METTL16: variants seen among roughly 807,000 people sequenced by gnomAD.
METTL16 encodes the protein RNA N(6)-adenosine-methyltransferase METTL16.
In METTL16, 19 loss-of-function variants were observed where a neutral mutation model predicts 57.9. The observed-to-expected ratio is 0.33, with a 90% CI of 0.23 to 0.48. The LOEUF (loss-of-function observed/expected upper bound fraction) is 0.48, where lower values mean the gene tolerates loss of function less well. Among genes scored for constraint, METTL16 ranks in the 20% least tolerant of loss-of-function variants. The pLI, the probability that METTL16 is intolerant of heterozygous loss-of-function variation, is 0.99. For synonymous variants in METTL16, 246 were observed against 255.6 expected, an observed-to-expected ratio of 0.96 and a Z score of 0.36; for missense variants, 434 against 691.5, an observed-to-expected ratio of 0.63 and a Z score of 4.18.
chr17:2,498,664 A>G (rs1031583023), intron 2 of METTL16, among the ~76,000 whole-genome samples: 1 of 151,232 alleles, frequency 6.6e-6, no homozygotes, highest in African/African-American at 2.5e-5. Context: ...GTTTGAACCC[A>G]GGAGGCGGAG....
At chr17:2,456,127 A>G (rs1296617546) in intron 6 of METTL16, among the ~76,000 whole-genome samples, 1 of 152,124 alleles carries the variant, frequency 6.6e-6, no homozygotes, top group Non-Finnish European at 1.5e-5. Context: ...ACAACTGGGA[A>G]ATGTTCCTTC....
chr17:2,471,328 C>T (rs747258492), intron 4 of METTL16, among the ~76,000 whole-genome samples: 14 of 152,114 alleles, frequency 9.2e-5, no homozygotes, highest in African/African-American at 1.9e-4. Flanking sequence ...TGCGCCACCA[C>T]GCTGGCTAAT....
At chr17:2,429,599 C>T (rs756007733) in intron 8 of METTL16, among the ~76,000 whole-genome samples, 2 of 151,424 alleles carry the variant, frequency 1.3e-5, no homozygotes, top group African/African-American at 2.4e-5. Context: ...AATGAAGGGA[C>T]GAATAGAATT....
At position 2,417,968 on chromosome 17, in the gene METTL16, T is replaced by G. The variant is rs964215095; in HGVS notation, c.*2002A>C. ...CAAATGACTCAAATGTAATATTCAC[T>G]CGAGGTAAGGACAGTGGGGTGGTGT... is the stretch of plus-strand genomic sequence containing the variant. On this transcript the variant is annotated 3_prime_UTR_variant, in exon 10 of 10. Coordinates refer to ENST00000263092, the MANE Select transcript of METTL16 (RefSeq NM_024086.4). 1.3e-5 allele frequency: 2 copies of G among 152,144 alleles called. No individual in the cohort carries two copies. Among genetic ancestry groups the G allele is most frequent in the African/African-American group, 4.8e-5 (2 of 41,416 alleles). The allele number at this position is 152,144 out of a possible 1,614,324, so 9.4% of individuals were successfully genotyped here.
chr17:2,464,956 G>A (rs2067180538), intron 5 of METTL16, among the ~76,000 whole-genome samples: 1 of 152,166 alleles, frequency 6.6e-6, no homozygotes, highest in East Asian at 1.9e-4. Context: ...AAACTTCTGA[G>A]CTGCAAAGGG....
intron 6 of METTL16, among the ~76,000 whole-genome samples, chr17:2,447,262 G>GC (rs1322475654): frequency 2.3e-4 from 34 of 147,014 alleles, no homozygotes; most frequent in African/African-American, 5.5e-4. Context: ...GAGCGCCTCT[G>GC]CTGGCCGCAA....
chr17:2,460,572 C>A (rs923448447), intron 6 of METTL16, among the ~76,000 whole-genome samples: 4 of 152,182 alleles, frequency 2.6e-5, no homozygotes, highest in African/African-American at 9.7e-5. Context: ...ATTTTCCTGG[C>A]TGGCTCTAGT....
intron 6 of METTL16, among the ~76,000 whole-genome samples, chr17:2,456,770 G>A (rs979289745): frequency 1.3e-5 from 2 of 151,894 alleles, no homozygotes; most frequent in African/African-American, 4.8e-5. Flanking sequence ...CACCCGGACT[G>A]TCAAGCTACT....
At chr17:2,509,109 C>G (rs986490549) in intron 1 of METTL16, among the ~76,000 whole-genome samples, 5 of 152,210 alleles carry the variant, frequency 3.3e-5, no homozygotes, top group Admixed American at 2.6e-4. Context: ...TGCTGCTTCT[C>G]CCTCAGAGAT....
intron 1 of METTL16, among the ~76,000 whole-genome samples, chr17:2,504,193 G>A (rs1285802271): frequency 2.0e-5 from 3 of 152,108 alleles, no homozygotes; most frequent in Non-Finnish European, 2.9e-5. Flanking sequence ...GATGGAGAGT[G>A]GAATAGAGGT....
At chr17:2,477,158 C>G (rs970366327) in intron 3 of METTL16, among the ~76,000 whole-genome samples, 2 of 151,834 alleles carry the variant, frequency 1.3e-5, no homozygotes, top group African/African-American at 4.8e-5. Flanking sequence ...CTGGGCAACA[C>G]GAGACCCCAT....
chr17:2,476,337 G>A lies in METTL16; in HGVS notation c.328+1349C>T, dbSNP rs925056371. ...TTTATTTGCATGGAGTTGGGAAATC[G>A]TCATAGAAGTGAATGCAATTACCAG... On this transcript the variant is annotated intron_variant, in intron 3 of 9. Coordinates refer to ENST00000263092, the MANE Select transcript of METTL16 (RefSeq NM_024086.4). 3.9e-5 allele frequency among the ~76,000 whole-genome samples: 6 copies of A among 152,302 alleles called. No homozygotes were observed. In the East Asian group the frequency reaches 5.8e-4, roughly 15 times the overall value.
At chr17:2,426,291 A>G (rs904802647) in intron 8 of METTL16, among the ~76,000 whole-genome samples, 12 of 152,182 alleles carry the variant, frequency 7.9e-5, no homozygotes, top group African/African-American at 2.9e-4. Context: ...TCCTGTGCGC[A>G]GGTGATTCTC....
intron 3 of METTL16, 168 bp downstream of exon 3, chr17:2,477,518 T>A: frequency 1.6e-6 from 1 of 611,684 alleles, no homozygotes; most frequent in Admixed American, 2.9e-5. Flanking sequence ...GCTCAAAGGT[T>A]GCAGATTTTG....
At chr17:2,511,200 C>G (rs1297130894) in intron 1 of METTL16, among the ~76,000 whole-genome samples, 1 of 137,208 alleles carries the variant, frequency 7.3e-6, no homozygotes, top group African/African-American at 2.7e-5. Flanking sequence ...TAGTAGAACC[C>G]TGAGAATGAG....
chr17:2,467,642 G>T (rs1436632589), intron 5 of METTL16, 119 bp downstream of exon 5: 1 of 671,454 alleles, frequency 1.5e-6, no homozygotes, highest in Non-Finnish European at 2.7e-6. Flanking sequence ...TGGCCAGGCT[G>T]GTCTCAAACT....
chr17:2,420,072 G>C lies in METTL16; in HGVS notation c.1587C>G (p.Ala529=). ...LINVKKEVDD[A]LVEMHWVEGQ... The stretch of plus-strand genomic sequence containing the variant: ...CCTCAACCCAGTGCATCTCCACTAA[G>C]GCATCGTCCACCTCCTTCTTAACGT... The change falls in exon 10 of 10, where the codon GCC becomes GCG. Residue 529 remains alanine (A), a synonymous_variant. Transcript: ENST00000263092. This position sits in a 1 kb window ranked among gnomAD's most constrained non-coding sequence, Gnocchi z 5.4. 1.2e-6 allele frequency: 2 copies of C among 1,614,148 alleles called. No homozygotes were observed. Among genetic ancestry groups the C allele is most frequent in the Non-Finnish European group, 1.7e-6 (2 of 1,180,038 alleles).
intron 2 of METTL16, among the ~76,000 whole-genome samples, chr17:2,481,354 T>A (rs1229091785): frequency 6.6e-6 from 1 of 151,508 alleles, no homozygotes; most frequent in Non-Finnish European, 1.5e-5. Flanking sequence ...AATGAAGAAA[T>A]CTGACAGATA....
intron 6 of METTL16, among the ~76,000 whole-genome samples, chr17:2,463,086 C>T (rs2067162044): frequency 1.3e-5 from 2 of 152,172 alleles, no homozygotes; most frequent in African/African-American, 2.4e-5. Context: ...ATGGCCTTAA[C>T]CCTCCTCTGC....
Sources: allele counts gnomAD v4.1 joint callset (sites outside exome capture counted in the v4.1 genomes callset), GRCh38; gene constraint gnomAD v4.1.1; non-coding constraint Gnocchi (gnomAD v3.1); transcripts MANE v1.5; gene names NCBI Gene and HGNC (gene_info 2026-07-23, HGNC 2026-07-21).